The following ZNF561 variants were observed in gnomAD, a reference collection of about 807,000 sequenced individuals.
The protein encoded by ZNF561 is zinc finger protein 561.
ZNF561 carries 16 observed loss-of-function variants against 16.7 expected under a neutral mutation model. The ratio of observed to expected loss-of-function variants is 0.96; its 90% CI spans 0.65 to 1.45. The LOEUF is 1.45. ZNF561 is among the 40% of genes most tolerant of loss of function. ZNF561 has a pLI of 0.00. For missense variants in ZNF561, 580 were observed against 578.0 expected, an observed-to-expected ratio of 1.00 and a Z score of -0.04; for synonymous variants, 190 against 192.1, an observed-to-expected ratio of 0.99 and a Z score of 0.09.
chr19:9,610,350 A>T lies in ZNF561; in HGVS notation c.1311T>A (p.Asn437Lys). ...GKAFLYSSRL[N>K]VHLRTHTGEK... The stretch of plus-strand genomic sequence containing the variant: ...CTCCGGTATGAGTTCGCAGGTGAAC[A>T]TTAAGGCGTGAGGAATATAGAAATG... Residue 437 changes from asparagine to lysine, a missense_variant, in exon 6 of 6, where the codon AAT (asparagine) becomes AAA (lysine). By Grantham distance (94) the Asn-to-Lys change is moderately conservative. Transcript: ENST00000302851. 1 of 1,614,230 alleles carries T rather than the reference A, an allele frequency of 6.2e-7. No individual in the cohort carries two copies. Among genetic ancestry groups the T allele is most frequent in the South Asian group, 1.1e-5 (1 of 91,086 alleles).
At chr19:9,618,595 G>A (rs1203748932) in intron 2 of ZNF561, among the ~76,000 whole-genome samples, 1 of 151,918 alleles carries the variant, frequency 6.6e-6, no homozygotes, top group Non-Finnish European at 1.5e-5. Flanking sequence ...ATGTGGTGGT[G>A]GGCATCTATA....
intron 2 of ZNF561, 97 bp from the exon 3 acceptor site, chr19:9,618,276 T>C (rs535041287): frequency 5.8e-6 from 7 of 1,208,122 alleles, no homozygotes; most frequent in East Asian, 2.6e-5. Context: ...GAAATTCCGA[T>C]ATGCTCCTAC....
chr19:9,614,816 G>A (rs1052059567), intron 4 of ZNF561, among the ~76,000 whole-genome samples: 10 of 151,612 alleles, frequency 6.6e-5, no homozygotes, highest in African/African-American at 2.2e-4. Context: ...TAAATCTTCT[G>A]AGGCAAAGTG....
intron 5 of ZNF561, 38 bp from the exon 6 acceptor site, chr19:9,611,374 G>A (rs2074454835): frequency 3.2e-6 from 5 of 1,560,108 alleles, no homozygotes; most frequent in Non-Finnish European, 4.3e-6. Flanking sequence ...AACATTTTCA[G>A]ACATATTAAG....
chr19:9,607,470 T>G lies in ZNF561; in HGVS notation c.*2730A>C, dbSNP rs1321691051. 1 of 152,216 alleles carries G rather than the reference T, an allele frequency of 6.6e-6. No homozygotes were observed. Among genetic ancestry groups the G allele is most frequent in the Non-Finnish European group, 1.5e-5 (1 of 68,028 alleles). The allele number at this position is 152,216 out of a possible 1,614,324, so 9.4% of individuals were successfully genotyped here. A position where few individuals can be genotyped will look rare whatever the true frequency, so the allele number is the denominator to read the frequency against. On this transcript the variant is annotated 3_prime_UTR_variant, in exon 6 of 6. Coordinates refer to ENST00000302851, the MANE Select transcript of ZNF561 (RefSeq NM_152289.3). ...TTCAAGAGGAATTCAGCCTCATGAA[T>G]TATGAAATACTGGGAAATCATTCAT...
rs1359817000 is a variant in ZNF561, at chr19:9,611,183, T to C, written c.478A>G (p.Lys160Glu). The C allele has an allele frequency of 6.2e-7, 1 of 1,613,850 alleles. No individual in the cohort carries two copies. Among genetic ancestry groups the C allele is most frequent in the Non-Finnish European group, 8.5e-7 (1 of 1,179,866 alleles). ...AGTTCCTGTCCAGTAGAGGCTTCCTTGTGCACACTGAGGGTGTCTTTTCCA... is the reference window on the plus strand; with the variant it reads ...AGTTCCTGTCCAGTAGAGGCTTCCTCGTGCACACTGAGGGTGTCTTTTCCA... ...CYGKDTLSVH[K>E]EASTGQELSK... The change falls in exon 6 of 6, where the codon AAG (lysine) becomes GAG (glutamate). Residue 160 changes from lysine to glutamate, a missense_variant. Transcript: ENST00000302851.
intron 3 of ZNF561, chr19:9,617,737 C>T (rs575937442): frequency 1.4e-4 from 66 of 458,548 alleles, no homozygotes; most frequent in African/African-American, 1.2e-3. Context: ...ATGCAGCACA[C>T]TCCTCAGCAC....
In ZNF561 at chr19:9,617,917, C is replaced by T. The variant is rs186423677; in HGVS notation, c.114+174G>A. ...GCTACTGGACTGATTTTCAAGTTAACATTTTATGTATAGGAGACTTCATTC... is the reference window on the plus strand; with the variant it reads ...GCTACTGGACTGATTTTCAAGTTAATATTTTATGTATAGGAGACTTCATTC... On this transcript the variant is annotated intron_variant, in intron 3 of 5. Transcript: ENST00000302851. The T allele has an allele frequency of 1.9e-3, 1,240 of 648,550 alleles. 3 individuals are homozygous for T. Among genetic ancestry groups the T allele is most frequent in the Non-Finnish European group, 2.6e-3 (951 of 360,054 alleles). The allele number at this position is 648,550 out of a possible 1,614,324, so 40.2% of individuals were successfully genotyped here.
chr19:9,617,867 G>T, intron 3 of ZNF561: 1 of 580,192 alleles, frequency 1.7e-6, no homozygotes, highest in South Asian at 1.5e-5. Flanking sequence ...CACCATGAAG[G>T]TCAAGCTTAA....
Position 9,611,104 on chromosome 19 carries a change from A to T in ZNF561, c.557T>A (p.Val186Glu), listed in dbSNP as rs776537377. 1 of 1,614,152 alleles carries T rather than the reference A, an allele frequency of 6.2e-7. No individual in the cohort carries two copies. ...KVFTLTPGLA[V>E]HLEVLNARQP... ...TCTTGCATTGAGAACTTCAAGATGT[A>T]CAGCAAGACCTGGAGTTAGAGTAAA... The change falls in exon 6 of 6, where the codon GTA becomes GAA. Residue 186 changes from valine (V) to glutamate (E), a missense_variant. Coordinates refer to ENST00000302851, the MANE Select transcript of ZNF561 (RefSeq NM_152289.3).
chr19:9,610,763 T>C lies in ZNF561; in HGVS notation c.898A>G (p.Ile300Val), dbSNP rs1483784175. 2.5e-6 allele frequency: 4 copies of C among 1,614,190 alleles called. No individual in the cohort carries two copies. Among genetic ancestry groups the C allele is most frequent in the Admixed American group, 1.7e-5 (1 of 60,018 alleles). The change falls in exon 6 of 6, where the codon ATT becomes GTT. Residue 300 changes from isoleucine to valine, a missense_variant. By Grantham distance (29) the Ile-to-Val change is conservative. Transcript: ENST00000302851. Reference protein sequence around the residue: ...FRNSSCLNDHIQIHTGIKPHK... With the variant: ...FRNSSCLNDHVQIHTGIKPHK... ...GGTTTTATTCCAGTGTGAATTTGAATGTGATCATTAAGGCATGAGGAATTT... is the reference window on the plus strand; with the variant it reads ...GGTTTTATTCCAGTGTGAATTTGAACGTGATCATTAAGGCATGAGGAATTT...
chr19:9,619,921 C>CTATCTATCTATCTATCTATCTATCTAT (rs1555692401), intron 1 of ZNF561, among the ~76,000 whole-genome samples: 1 of 116,142 alleles, frequency 8.6e-6, no homozygotes, highest in Non-Finnish European at 2.0e-5. Flanking sequence ...CTATATCTAT[C>CTATCTATCTATCTATCTATCTATCTAT]CTATCTATCT....
At position 9,611,428 on chromosome 19, in the gene ZNF561, T is replaced by C. The variant is rs139585020; in HGVS notation, c.325-92A>G. 505 of 1,315,574 alleles carry C rather than the reference T, an allele frequency of 3.8e-4. 2 individuals are homozygous for C. The African/African-American group carries it at 6.7e-3, about 18-fold the overall frequency. The allele number at this position is 1,315,574 out of a possible 1,614,324, so 81.5% of individuals were successfully genotyped here. A position where few individuals can be genotyped will look rare whatever the true frequency, so the allele number is the denominator to read the frequency against. ...CACAGAAGCATTTTGATGACAATTA[T>C]GATTTTACTTTTTAATATTTAATTT... On this transcript the variant is annotated intron_variant, in intron 5 of 5. Transcript: ENST00000302851.
Position 9,611,182 on chromosome 19 carries a change from T to C in ZNF561, c.479A>G (p.Lys160Arg), listed in dbSNP as rs778561461. 1 of 1,613,980 alleles carries C rather than the reference T, an allele frequency of 6.2e-7. No individual in the cohort carries two copies. The highest frequency in any genetic ancestry group is 1.1e-5 in the South Asian group (1 of 91,078). The change falls in exon 6 of 6, where the codon AAG becomes AGG. Residue 160 changes from lysine (K) to arginine (R), a missense_variant. Physicochemically the swap from Lys to Arg is conservative, Grantham distance 26 (BLOSUM62 2). Coordinates refer to ENST00000302851, the MANE Select transcript of ZNF561 (RefSeq NM_152289.3). The part of the protein sequence containing the change: ...CYGKDTLSVH[K>R]EASTGQELSK... ...AAGTTCCTGTCCAGTAGAGGCTTCCTTGTGCACACTGAGGGTGTCTTTTCC... is the reference window on the plus strand; with the variant it reads ...AAGTTCCTGTCCAGTAGAGGCTTCCCTGTGCACACTGAGGGTGTCTTTTCC...
chr19:9,616,745 C>T (rs1277900909), intron 4 of ZNF561, among the ~76,000 whole-genome samples: 3 of 152,026 alleles, frequency 2.0e-5, no homozygotes, highest in Non-Finnish European at 2.9e-5. Context: ...GTACCTGCCA[C>T]TATGCCCACC....
In ZNF561 at chr19:9,610,301, A is replaced by T. The variant is rs760118989; in HGVS notation, c.1360T>A (p.Cys454Ser). ...TGEKPFVCKE[C>S]GKAFAVSSRL... is the part of the protein sequence containing the mutation. Reference sequence around the variant, plus strand: ...GAGGAAACAGCAAATGCTTTCCCACATTCTTTACATACGAAGGGTTTCTCT... The same window carrying T: ...GAGGAAACAGCAAATGCTTTCCCACTTTCTTTACATACGAAGGGTTTCTCT... Residue 454 changes from cysteine (C) to serine (S), a missense_variant, in exon 6 of 6, where the codon TGT becomes AGT. Transcript: ENST00000302851. The T allele has an allele frequency of 9.3e-6, 15 of 1,614,066 alleles. No homozygotes were observed. Among genetic ancestry groups the T allele is most frequent in the Non-Finnish European group, 1.2e-5 (14 of 1,180,024 alleles).
chr19:9,618,455 G>A (rs1436316434), intron 2 of ZNF561, among the ~76,000 whole-genome samples: 3 of 152,086 alleles, frequency 2.0e-5, no homozygotes, highest in South Asian at 2.1e-4. Flanking sequence ...GTCCAGGTGC[G>A]GTGCCTCATG....
At position 9,617,069 on chromosome 19, in the gene ZNF561, T is replaced by C. The variant is rs1228697152; in HGVS notation, c.217A>G (p.Asn73Asp). The change falls in exon 4 of 6, where the codon AAC (asparagine) becomes GAC (aspartate). Residue 73 changes from asparagine (N) to aspartate (D), a missense_variant. Asn to Asp is a conservative substitution (Grantham distance 23). Coordinates refer to ENST00000302851, the MANE Select transcript of ZNF561 (RefSeq NM_152289.3). ...KYLYRDVMLE[N>D]YMNLASVEWE... ...CCCACAGAGGCCAGGTTCATGTAGT[T>C]CTCCAGCATCACATCTCTGTAGAGG... 6.2e-7 allele frequency: 1 copy of C among 1,612,558 alleles called. No homozygotes were observed. Among genetic ancestry groups the C allele is most frequent in the East Asian group, 2.2e-5 (1 of 44,858 alleles).
At chr19:9,618,681 G>A (rs569551606) in intron 2 of ZNF561, among the ~76,000 whole-genome samples, 55 of 151,918 alleles carry the variant, frequency 3.6e-4, no homozygotes, top group African/African-American at 1.2e-3. Flanking sequence ...AGCCGAGATC[G>A]TGCCACTGCA....
Sources: gnomAD v4.1 joint callset for allele counts (sites outside exome capture counted in the v4.1 genomes callset) on GRCh38, gnomAD v4.1.1 for gene constraint, MANE v1.5 for transcripts, NCBI Gene and HGNC (gene_info 2026-07-23, HGNC 2026-07-21) for gene names.